The following SYNPO2 variants were observed in gnomAD, a reference collection of about 807,000 sequenced individuals.
SYNPO2 encodes synaptopodin-2.
A neutral mutation model predicts 85.0 loss-of-function variants in SYNPO2; 56 were observed. The ratio of observed to expected loss-of-function variants is 0.66; its 90% CI spans 0.53 to 0.82. SYNPO2 has a LOEUF of 0.82. Among genes scored for constraint, SYNPO2 ranks in the 40% least tolerant of loss-of-function variants. The pLI, the probability that SYNPO2 is intolerant of heterozygous loss-of-function variation, is 0.00. For missense variants in SYNPO2, 1,575 were observed against 1,534.2 expected (o/e 1.03, Z -0.44); for synonymous variants, 602 against 591.1 (o/e 1.02, Z -0.27).
intron 1 of SYNPO2, among the ~76,000 whole-genome samples, chr4:118,915,820 C>T (rs1733298732): frequency 6.6e-6 from 1 of 152,158 alleles, no homozygotes; most frequent in Non-Finnish European, 1.5e-5. Flanking sequence ...TCCTGCGGCT[C>T]TACAACTTCT....
intron 1 of SYNPO2, among the ~76,000 whole-genome samples, chr4:119,011,188 G>A (rs1408997688): frequency 2.6e-5 from 4 of 152,202 alleles, no homozygotes; most frequent in African/African-American, 9.7e-5. Flanking sequence ...TTCAGCTCAC[G>A]TGGACCTGCC....
chr4:119,015,151 G>GA (rs1174139943), intron 1 of SYNPO2, among the ~76,000 whole-genome samples: 1 of 152,188 alleles, frequency 6.6e-6, no homozygotes, highest in African/African-American at 2.4e-5. Context: ...AATCTGGAGG[G>GA]AATGCCTTCA....
chr4:118,905,889 T>C (rs1400571097), intron 1 of SYNPO2, among the ~76,000 whole-genome samples: 1 of 152,198 alleles, frequency 6.6e-6, no homozygotes, highest in Non-Finnish European at 1.5e-5. Flanking sequence ...ATTATTGTTT[T>C]GATATAGCTA....
At chr4:118,932,065 T>C (rs76968129) in intron 1 of SYNPO2, among the ~76,000 whole-genome samples, 29 of 152,320 alleles carry the variant, frequency 1.9e-4, no homozygotes, top group African/African-American at 6.5e-4. Flanking sequence ...AGTAAGCCAT[T>C]GGATTTTGTG....
chr4:119,044,348 C>T (rs926331436), intron 4 of SYNPO2, among the ~76,000 whole-genome samples: 2 of 152,176 alleles, frequency 1.3e-5, no homozygotes, highest in African/African-American at 2.4e-5. Context: ...AATGAAATGA[C>T]ATACATGAAA....
At chr4:119,051,432 C>A (rs1739045396) in intron 4 of SYNPO2, among the ~76,000 whole-genome samples, 1 of 151,636 alleles carries the variant, frequency 6.6e-6, no homozygotes, top group African/African-American at 2.4e-5. Context: ...ACCTCGTGAT[C>A]CGCCCGCCTC....
At chr4:118,925,618 A>C (rs766535298) in intron 1 of SYNPO2, among the ~76,000 whole-genome samples, 3 of 152,156 alleles carry the variant, frequency 2.0e-5, no homozygotes, top group Non-Finnish European at 4.4e-5. Flanking sequence ...AACAACATTC[A>C]TTACCTTTAG....
Position 119,036,178 on chromosome 4 carries a change from A to C in SYNPO2, c.3252+4151A>C. The C allele has an allele frequency of 3.0e-6, 3 of 985,442 alleles. No individual in the cohort carries two copies. In the South Asian group the frequency reaches 1.4e-4, roughly 46 times the overall value. 61.0% of individuals were successfully genotyped at this position (985,442 alleles called of 1,614,324 possible). A position where few individuals can be genotyped will look rare whatever the true frequency, so the allele number is the denominator to read the frequency against. The stretch of plus-strand genomic sequence containing the variant: ...CCCAGCAGGCAGGGCATTTGAAGTC[A>C]TGGTCATCAAAAAGAAATGATTGTT... On this transcript the variant is annotated intron_variant, in intron 4 of 4. Transcript: ENST00000307142.
At chr4:118,864,126 T>C (rs763553477) in intron 1 of SYNPO2, among the ~76,000 whole-genome samples, 10 of 138,506 alleles carry the variant, frequency 7.2e-5, no homozygotes, top group Non-Finnish European at 1.0e-4. Context: ...GCTTTTGCTG[T>C]ATTCCATAGA....
intron 1 of SYNPO2, among the ~76,000 whole-genome samples, chr4:119,007,335 A>C (rs1737120034): frequency 7.3e-6 from 1 of 136,382 alleles, no homozygotes; most frequent in Non-Finnish European, 1.5e-5. Context: ...CTATTTTACC[A>C]CTAACTTTTT....
intron 4 of SYNPO2, chr4:119,036,953 C>T (rs1189143372): frequency 8.0e-7 from 1 of 1,248,610 alleles, no homozygotes; most frequent in African/African-American, 1.5e-5. Flanking sequence ...AAGCTAGACT[C>T]CTACAGGGTC....
intron 4 of SYNPO2, among the ~76,000 whole-genome samples, chr4:119,055,539 T>G (rs931876894): frequency 8.5e-5 from 13 of 152,240 alleles, no homozygotes; most frequent in Non-Finnish European, 1.6e-4. Context: ...GGGCAAGGAC[T>G]TTATCATCTT....
At chr4:119,016,044 A>T (rs762432084) in intron 1 of SYNPO2, among the ~76,000 whole-genome samples, 1 of 152,220 alleles carries the variant, frequency 6.6e-6, no homozygotes. Context: ...TGAGGATAGG[A>T]TCCATATACT....
chr4:118,946,272 A>C (rs1202966826), intron 1 of SYNPO2, among the ~76,000 whole-genome samples: 1 of 152,192 alleles, frequency 6.6e-6, no homozygotes, highest in Non-Finnish European at 1.5e-5. Context: ...ACCGTAATGT[A>C]TATGGTTTTA....
chr4:118,934,043 G>A (rs1041332810), intron 1 of SYNPO2, among the ~76,000 whole-genome samples: 4 of 152,042 alleles, frequency 2.6e-5, no homozygotes, highest in Non-Finnish European at 5.9e-5. Context: ...ACGTGATTCA[G>A]AGATCAGTTT....
At chr4:118,930,747 T>C (rs1733901614) in intron 1 of SYNPO2, among the ~76,000 whole-genome samples, 1 of 68,436 alleles carries the variant, frequency 1.5e-5, no homozygotes. Context: ...AGACCCCATA[T>C]CTACAAAAAA....
At chr4:118,988,402 G>A (rs1274651950) in intron 1 of SYNPO2, among the ~76,000 whole-genome samples, 1 of 152,006 alleles carries the variant, frequency 6.6e-6, no homozygotes, top group East Asian at 1.9e-4. Context: ...GGAACAGCAG[G>A]AAACTTCCCT....
chr4:118,933,711 T>C (rs952200521), intron 1 of SYNPO2, among the ~76,000 whole-genome samples: 2 of 152,066 alleles, frequency 1.3e-5, no homozygotes, highest in Non-Finnish European at 2.9e-5. Flanking sequence ...TGTTGAGAAG[T>C]TACCAAAACC....
chr4:119,058,309 C>A lies in SYNPO2; in HGVS notation c.*375C>A. ...TAAAACTAAGTATTTCTTCATTGTA[C>A]CTTAGTCCAGGAAGAAATTAATGGA... On this transcript the variant is annotated 3_prime_UTR_variant, in exon 5 of 5. Coordinates refer to ENST00000307142, the MANE Select transcript of SYNPO2 (RefSeq NM_133477.3). 1 of 164,992 alleles carries A rather than the reference C, an allele frequency of 6.1e-6. No individual in the cohort carries two copies. Among genetic ancestry groups the A allele is most frequent in the Non-Finnish European group, 1.3e-5 (1 of 76,188 alleles). The allele number at this position is 164,992 out of a possible 1,614,324, so 10.2% of individuals were successfully genotyped here. A position where few individuals can be genotyped will look rare whatever the true frequency, so the allele number is the denominator to read the frequency against.
Sources: allele counts gnomAD v4.1 joint callset (sites outside exome capture counted in the v4.1 genomes callset), GRCh38; gene constraint gnomAD v4.1.1; transcripts MANE v1.5; gene names NCBI Gene and HGNC (gene_info 2026-07-23, HGNC 2026-07-21).